The following CRYL1 variants were observed in gnomAD, a reference collection of about 807,000 sequenced individuals.
CRYL1 encodes lambda-crystallin homolog.
A neutral mutation model predicts 36.6 loss-of-function variants in CRYL1; 29 were observed. The observed-to-expected ratio is 0.79, with a 90% CI of 0.59 to 1.08. CRYL1 has a LOEUF of 1.08. Ranked by LOEUF, CRYL1 falls within the 50% of genes least tolerant of loss-of-function variation. CRYL1 has a pLI of 0.00. For synonymous variants in CRYL1, 152 were observed against 151.5 expected, an observed-to-expected ratio of 1.00 and a Z score of -0.02; for missense variants, 411 against 407.9, an observed-to-expected ratio of 1.01 and a Z score of -0.06.
At chr13:20,509,803 G>T (rs539783431) in intron 2 of CRYL1, among the ~76,000 whole-genome samples, 1 of 152,148 alleles carries the variant, frequency 6.6e-6, no homozygotes, top group East Asian at 1.9e-4. Flanking sequence ...AGTGGCAGTC[G>T]CCTGTAATCC....
At chr13:20,432,353 T>C in intron 4 of CRYL1, 57 bp from the exon 5 acceptor site, 1 of 1,350,034 alleles carries the variant, frequency 7.4e-7, no homozygotes, top group Non-Finnish European at 1.0e-6. Flanking sequence ...TTTGGGGAAC[T>C]GCACCCACCC....
At position 20,404,784 on chromosome 13, in the gene CRYL1, A is replaced by G. The variant is rs748700308; in HGVS notation, c.740-43T>C. On this transcript the variant is annotated intron_variant, in intron 6 of 7. Transcript: ENST00000298248. ...CAAGAATCCACAATCTCAGAAAAAA[A>G]CATTCTTAGTTATATTCAAACTCAG... The G allele has an allele frequency of 4.3e-5, 59 of 1,357,360 alleles. No individual in the cohort carries two copies. The African/African-American group carries it at 8.0e-4, about 18-fold the overall frequency. 84.1% of individuals were successfully genotyped at this position (1,357,360 alleles called of 1,614,324 possible).
chr13:20,494,399 C>T (rs1179288786), intron 2 of CRYL1, among the ~76,000 whole-genome samples: 1 of 152,182 alleles, frequency 6.6e-6, no homozygotes, highest in Non-Finnish European at 1.5e-5. Context: ...CTAACCACCG[C>T]CAATCCTCTT....
intron 2 of CRYL1, among the ~76,000 whole-genome samples, chr13:20,508,876 CAAAAAAAAAAAA>C (rs1565988318): frequency 3.1e-4 from 13 of 41,422 alleles, no homozygotes; most frequent in Non-Finnish European, 4.0e-4. Flanking sequence ...AAAAAAAAAA[CAAAAAAAAAAAA>C]CTGACAACAA....
At chr13:20,515,099 C>T (rs142090564) in intron 1 of CRYL1, among the ~76,000 whole-genome samples, 5 of 152,148 alleles carry the variant, frequency 3.3e-5, no homozygotes, top group Admixed American at 2.0e-4. Flanking sequence ...CAAAGGTTCA[C>T]GTATTGTATG....
intron 5 of CRYL1, among the ~76,000 whole-genome samples, chr13:20,421,422 A>C (rs1245793751): frequency 6.6e-6 from 1 of 152,104 alleles, no homozygotes; most frequent in Non-Finnish European, 1.5e-5. Flanking sequence ...AAAAACAGCC[A>C]TGGAGCACAA....
At chr13:20,447,805 C>G (rs1482557647) in intron 3 of CRYL1, among the ~76,000 whole-genome samples, 3 of 152,136 alleles carry the variant, frequency 2.0e-5, no homozygotes, top group Non-Finnish European at 4.4e-5. Context: ...CAATTCCCAA[C>G]TAAATTAATT....
At chr13:20,492,728 T>C (rs953798203) in intron 2 of CRYL1, among the ~76,000 whole-genome samples, 1 of 152,230 alleles carries the variant, frequency 6.6e-6, no homozygotes, top group Non-Finnish European at 1.5e-5. Context: ...CCATTTGCCA[T>C]GTAAAGTTCT....
At chr13:20,431,018 A>G in intron 5 of CRYL1, 1 of 985,468 alleles carries the variant, frequency 1.0e-6, no homozygotes, top group Non-Finnish European at 1.2e-6. Context: ...AGACATCAAG[A>G]CACAGAATCG....
intron 3 of CRYL1, among the ~76,000 whole-genome samples, chr13:20,476,388 G>A (rs1422529829): frequency 6.6e-6 from 1 of 151,542 alleles, no homozygotes; most frequent in Non-Finnish European, 1.5e-5. Flanking sequence ...ACGAAAGGCA[G>A]GAAGGTCTCT....
chr13:20,411,500 G>A (rs2031522135), intron 6 of CRYL1, among the ~76,000 whole-genome samples: 2 of 152,064 alleles, frequency 1.3e-5, no homozygotes. Flanking sequence ...AAGGGAGAAA[G>A]AAAAACACAG....
At chr13:20,413,936 A>G (rs1370860775) in intron 5 of CRYL1, among the ~76,000 whole-genome samples, 2 of 152,082 alleles carry the variant, frequency 1.3e-5, no homozygotes, top group Non-Finnish European at 2.9e-5. Context: ...GCACTTTCGG[A>G]GGCTGAGGTG....
chr13:20,458,687 C>T (rs1185245798), intron 3 of CRYL1, among the ~76,000 whole-genome samples: 2 of 152,176 alleles, frequency 1.3e-5, no homozygotes. Context: ...CAACACATCT[C>T]AGCTTTGACC....
chr13:20,514,527 G>A (rs2033967976), intron 1 of CRYL1, among the ~76,000 whole-genome samples: 1 of 152,144 alleles, frequency 6.6e-6, no homozygotes, highest in Admixed American at 6.5e-5. Context: ...AAAGAGAAAT[G>A]ATTATTGTAA....
intron 3 of CRYL1, among the ~76,000 whole-genome samples, chr13:20,486,835 C>T (rs767599398): frequency 6.6e-6 from 1 of 152,114 alleles, no homozygotes; most frequent in Non-Finnish European, 1.5e-5. Context: ...TTCTTTATTA[C>T]CAAAATTGTT....
chr13:20,428,329 A>G (rs924686320), intron 5 of CRYL1, among the ~76,000 whole-genome samples: 2 of 152,224 alleles, frequency 1.3e-5, no homozygotes, highest in Non-Finnish European at 2.9e-5. Context: ...GTAAGTATAT[A>G]ATATTCCAAA....
At chr13:20,443,769 T>G (rs979298826) in intron 3 of CRYL1, among the ~76,000 whole-genome samples, 7 of 152,234 alleles carry the variant, frequency 4.6e-5, no homozygotes, top group Admixed American at 1.3e-4. Flanking sequence ...GAAGCAGCTT[T>G]CAACGTGCTT....
At chr13:20,516,467 C>A (rs2033999722) in intron 1 of CRYL1, among the ~76,000 whole-genome samples, 1 of 151,614 alleles carries the variant, frequency 6.6e-6, no homozygotes, top group South Asian at 2.1e-4. Flanking sequence ...CTCCTGGGGA[C>A]TGAATATCAA....
intron 3 of CRYL1, among the ~76,000 whole-genome samples, chr13:20,441,497 G>T (rs1365650013): frequency 6.6e-6 from 1 of 152,152 alleles, no homozygotes; most frequent in African/African-American, 2.4e-5. Context: ...TGCCCTGACG[G>T]GAAATGGGAA....
Sources: allele counts gnomAD v4.1 joint callset (sites outside exome capture counted in the v4.1 genomes callset), GRCh38; gene constraint gnomAD v4.1.1; transcripts MANE v1.5; gene names NCBI Gene and HGNC (gene_info 2026-07-23, HGNC 2026-07-21).